The following LDLRAD4 variants were observed in gnomAD, a reference collection of about 807,000 sequenced individuals.
The protein encoded by LDLRAD4 is low-density lipoprotein receptor class A domain-containing protein 4.
Under a neutral mutation model 17.0 loss-of-function variants are expected in LDLRAD4, and 5 were observed. That is an observed-to-expected ratio of 0.29 (90% confidence interval 0.15 to 0.62). The LOEUF is 0.62. Among genes scored for constraint, LDLRAD4 ranks in the 20% least tolerant of loss-of-function variants. The pLI is 0.84. For synonymous variants in LDLRAD4, 168 were observed against 171.8 expected (o/e 0.98, Z 0.17); for missense variants, 340 against 424.7 (o/e 0.80, Z 1.75).
chr18:13,464,742 G>A (rs909067873), intron 3 of LDLRAD4, among the ~76,000 whole-genome samples: 28 of 143,576 alleles, frequency 2.0e-4, no homozygotes, highest in Non-Finnish European at 3.6e-4. Flanking sequence ...TTTTCACATC[G>A]CTGTAGATGG....
chr18:13,326,456 C>T (rs563007818), intron 1 of LDLRAD4, among the ~76,000 whole-genome samples: 3 of 152,140 alleles, frequency 2.0e-5, no homozygotes, highest in Non-Finnish European at 4.4e-5. Context: ...CTCATCTTGT[C>T]TTTTTTCTGC....
chr18:13,484,480 G>T (rs2093170705), intron 3 of LDLRAD4, among the ~76,000 whole-genome samples: 1 of 152,146 alleles, frequency 6.6e-6, no homozygotes, highest in South Asian at 2.1e-4. Context: ...GGGTTCGGTG[G>T]TGTGCCAGCT....
chr18:13,491,858 T>C (rs2093364702), intron 3 of LDLRAD4, among the ~76,000 whole-genome samples: 1 of 152,182 alleles, frequency 6.6e-6, no homozygotes, highest in African/African-American at 2.4e-5. Context: ...GCTTTGCACG[T>C]TGGTGCTGTC....
chr18:13,450,215 A>G (rs955371590), intron 3 of LDLRAD4, among the ~76,000 whole-genome samples: 3 of 151,934 alleles, frequency 2.0e-5, no homozygotes, highest in Non-Finnish European at 4.4e-5. Flanking sequence ...CCTCTAGATC[A>G]GCGGCTGCTG....
chr18:13,375,179 A>G (rs2084814559), intron 1 of LDLRAD4, among the ~76,000 whole-genome samples: 1 of 152,202 alleles, frequency 6.6e-6, no homozygotes, highest in Non-Finnish European at 1.5e-5. Context: ...CCTCTAGGCC[A>G]GGGGTCCGTG....
chr18:13,651,731 C>T (rs183298707), exon 6 of LDLRAD4: 3 of 152,268 alleles, frequency 2.0e-5, no homozygotes, highest in African/African-American at 7.2e-5. Context: ...AAGAGCAGTT[C>T]GTGGAATTTT....
chr18:13,499,193 C>T (rs1328905125), intron 3 of LDLRAD4, among the ~76,000 whole-genome samples: 1 of 150,614 alleles, frequency 6.6e-6, no homozygotes, highest in Non-Finnish European at 1.5e-5. Flanking sequence ...CTTCTACTCA[C>T]ACACATCCCG....
At chr18:13,423,309 A>G (rs1233624184) in intron 2 of LDLRAD4, among the ~76,000 whole-genome samples, 2 of 152,032 alleles carry the variant, frequency 1.3e-5, no homozygotes, top group African/African-American at 4.8e-5. Flanking sequence ...CCTGGCCAAC[A>G]TGGAGAAACT....
rs2040643608 is a variant in LDLRAD4, at chr18:13,621,639, G to C, written c.336+368G>C. Reference sequence around the variant, plus strand: ...GTGCACTTGTGAGATTCATTGTGTTGTAAAATCCTGTCCTGAGCTGGGTCC... The same window carrying C: ...GTGCACTTGTGAGATTCATTGTGTTCTAAAATCCTGTCCTGAGCTGGGTCC... On this transcript the variant is annotated intron_variant, in intron 4 of 5. Transcript: ENST00000359446. The surrounding 1 kb of genome is among the most constrained non-coding windows in gnomAD (Gnocchi z 5.5). 6.6e-6 allele frequency among the ~76,000 whole-genome samples: 1 copy of C among 152,216 alleles called. No homozygotes were observed. The highest frequency in any genetic ancestry group is 1.5e-5 in the Non-Finnish European group (1 of 68,036).
chr18:13,450,411 A>G lies in LDLRAD4; in HGVS notation c.181+12027A>G, dbSNP rs190164575. Among the ~76,000 whole-genome samples the G allele has an allele frequency of 9.4e-4, 137 of 145,494 alleles. 1 individual carries two copies. Among genetic ancestry groups the G allele is most frequent in the African/African-American group, 3.2e-3 (127 of 39,694 alleles). ...AAGGAGAAATAGTTGTTGAAAGATT[A>G]TGTCTGGACAGGGGGCTGGAGGGTG... On this transcript the variant is annotated intron_variant, in intron 3 of 5. Transcript: ENST00000359446.
chr18:13,303,532 A>T (rs1298900703), intron 1 of LDLRAD4, among the ~76,000 whole-genome samples: 1 of 150,686 alleles, frequency 6.6e-6, no homozygotes, highest in Non-Finnish European at 1.5e-5. Context: ...GGCTCTCGTT[A>T]TGTTGCCTGG....
At chr18:13,638,621 T>C (rs947090461) in intron 4 of LDLRAD4, among the ~76,000 whole-genome samples, 1 of 152,218 alleles carries the variant, frequency 6.6e-6, no homozygotes, top group African/African-American at 2.4e-5. Flanking sequence ...TAAGTCCTGC[T>C]CAGTGCGATG....
intron 3 of LDLRAD4, among the ~76,000 whole-genome samples, chr18:13,602,790 T>TA (rs1196787592): frequency 3.9e-5 from 6 of 152,050 alleles, no homozygotes; most frequent in Admixed American, 1.3e-4. Flanking sequence ...AACTAGAAAT[T>TA]AAAAAACAAA....
chr18:13,338,163 C>T (rs184202318), intron 1 of LDLRAD4, among the ~76,000 whole-genome samples: 3 of 152,226 alleles, frequency 2.0e-5, no homozygotes, highest in Admixed American at 2.0e-4. Context: ...TTCTCATCTG[C>T]TGCCTTGCTC....
chr18:13,554,858 A>G (rs1222061524), intron 3 of LDLRAD4, among the ~76,000 whole-genome samples: 1 of 152,086 alleles, frequency 6.6e-6, no homozygotes, highest in African/African-American at 2.4e-5. Flanking sequence ...GCCCTTCCAC[A>G]TGTACAGCAT....
chr18:13,393,224 T>C (rs767328338), intron 2 of LDLRAD4, among the ~76,000 whole-genome samples: 3 of 152,174 alleles, frequency 2.0e-5, no homozygotes, highest in African/African-American at 4.8e-5. Context: ...TTAGGAGATA[T>C]TGAGAGCTGT....
chr18:13,368,708 C>G (rs1180714154), intron 1 of LDLRAD4, among the ~76,000 whole-genome samples: 1 of 152,178 alleles, frequency 6.6e-6, no homozygotes, highest in Non-Finnish European at 1.5e-5. Context: ...GGAGCATCTT[C>G]AGTTTTGGAG....
At chr18:13,387,830 T>C (rs1003269536) in intron 2 of LDLRAD4, 68 bp downstream of exon 3, 1 of 1,391,060 alleles carries the variant, frequency 7.2e-7, no homozygotes, top group Non-Finnish European at 1.0e-6. Context: ...CCCAAACCAC[T>C]GCATGCAGTG....
Position 13,621,020 on chromosome 18 carries a change from G to A in LDLRAD4, c.182-97G>A. The A allele has an allele frequency of 1.3e-6, 2 of 1,551,266 alleles. No individual in the cohort carries two copies. Among genetic ancestry groups the A allele is most frequent in the East Asian group, 2.2e-5 (1 of 44,494 alleles). On this transcript the variant is annotated intron_variant, in intron 3 of 5. Transcript: ENST00000359446. The surrounding 1 kb of genome is among the most constrained non-coding windows in gnomAD (Gnocchi z 5.5). ...TCTGAGGAACAGACGTGTGTGAGAG[G>A]CCTTCAGGGCCTGATGGCTGGGGTG...
Sources: gnomAD v4.1 joint callset for allele counts (sites outside exome capture counted in the v4.1 genomes callset) on GRCh38, gnomAD v4.1.1 for gene constraint, Gnocchi (gnomAD v3.1) non-coding constraint, MANE v1.5 for transcripts, NCBI Gene and HGNC (gene_info 2026-07-23, HGNC 2026-07-21) for gene names.